DISP3: variants seen among roughly 807,000 people sequenced by gnomAD.
DISP3 encodes the protein protein dispatched homolog 3.
In DISP3, 101 loss-of-function variants were observed where a neutral mutation model predicts 135.3. The ratio of observed to expected loss-of-function variants is 0.75; its 90% CI spans 0.64 to 0.88. DISP3 has a LOEUF of 0.88. Among genes scored for constraint, DISP3 ranks in the 40% least tolerant of loss-of-function variants. DISP3 has a pLI of 0.00. For missense variants in DISP3, 1,713 were observed against 1,878.6 expected (o/e 0.91, Z 1.63); for synonymous variants, 856 against 817.0 (o/e 1.05, Z -0.81).
chr1:11,481,801 C>G (rs1640912034), intron 1 of DISP3: 1 of 152,186 alleles, frequency 6.6e-6, no homozygotes, highest in African/African-American at 2.4e-5. Context: ...ATTACCCTAC[C>G]TTTCCCCTTC....
rs1378596865 is a variant in DISP3 at position 11,491,893 on chromosome 1, C to G, written c.-3-9097C>G. Among the ~76,000 whole-genome samples the G allele has an allele frequency of 6.6e-6, 1 of 151,690 alleles. No homozygotes were observed. The highest frequency in any genetic ancestry group is 1.5e-5 in the Non-Finnish European group (1 of 67,944). ...ATCCCAGCACTTTGGGAGGCCGAGG[C>G]GGGCGGATCACGAGGTCAGGAGATC... On this transcript the variant is annotated intron_variant, in intron 1 of 20. Coordinates refer to ENST00000294484, the MANE Select transcript of DISP3 (RefSeq NM_020780.2). The surrounding 1 kb of genome is among the most constrained non-coding windows in gnomAD (Gnocchi z 4.3).
chr1:11,530,688 C>T (rs528469893), intron 15 of DISP3, among the ~76,000 whole-genome samples: 1 of 151,950 alleles, frequency 6.6e-6, no homozygotes, highest in Non-Finnish European at 1.5e-5. Flanking sequence ...AACAGAGGGT[C>T]CTGTGTGGGG....
chr1:11,479,909 G>T (rs1240462601), intron 1 of DISP3, among the ~76,000 whole-genome samples: 1 of 152,188 alleles, frequency 6.6e-6, no homozygotes, highest in African/African-American at 2.4e-5. Context: ...GCCGGGGAGG[G>T]CGCGTGGGGG....
At chr1:11,503,259 A>G (rs1007420734) in intron 3 of DISP3, among the ~76,000 whole-genome samples, 2 of 152,198 alleles carry the variant, frequency 1.3e-5, no homozygotes, top group African/African-American at 4.8e-5. Context: ...CTCAAGAGAG[A>G]TGGAACCAGT....
intron 1 of DISP3, among the ~76,000 whole-genome samples, chr1:11,494,538 G>T (rs12129875): frequency 1.3e-5 from 2 of 152,114 alleles, no homozygotes; most frequent in Non-Finnish European, 2.9e-5. Flanking sequence ...GTATCAGGAC[G>T]TAGGACAGTG....
chr1:11,511,421 G>A (rs1641852213), intron 3 of DISP3, among the ~76,000 whole-genome samples: 1 of 152,132 alleles, frequency 6.6e-6, no homozygotes, highest in Admixed American at 6.6e-5. Context: ...AAACAAAGGG[G>A]TTACAGGGCC....
In DISP3 at chr1:11,519,272, C is replaced by A; in HGVS notation, c.1890-83C>A. 1 of 1,463,320 alleles carries A rather than the reference C, an allele frequency of 6.8e-7. No homozygotes were observed. The highest frequency in any genetic ancestry group is 9.4e-7 in the Non-Finnish European group (1 of 1,065,794). The allele number at this position is 1,463,320 out of a possible 1,614,324, so 90.6% of individuals were successfully genotyped here. The stretch of plus-strand genomic sequence containing the variant: ...TCAGCAGCACTGTGATACCTGGGTT[C>A]ATCTGATCCTCAGGGCCCTGCCCCA... On this transcript the variant is annotated intron_variant, in intron 7 of 20. Transcript: ENST00000294484. The surrounding 1 kb of genome is among the most constrained non-coding windows in gnomAD (Gnocchi z 4.3).
intron 13 of DISP3, among the ~76,000 whole-genome samples, chr1:11,528,549 CAAGT>C (rs970103270): frequency 9.9e-5 from 15 of 152,174 alleles, no homozygotes; most frequent in African/African-American, 3.6e-4. Context: ...AGGCCACTAA[CAAGT>C]AAACAGCGAT....
rs1406336304 is a variant in DISP3, at chr1:11,529,672, T to C, written c.2915T>C (p.Val972Ala). Residue 972 changes from valine to alanine, a missense_variant, in exon 14 of 21, where the codon GTG (valine) becomes GCG (alanine). Transcript: ENST00000294484. This position sits in a 1 kb window ranked among gnomAD's most constrained non-coding sequence, Gnocchi z 4.7. The part of the protein sequence containing the change: ...PDGPTKGFFF[V>A]PSEKVPKARL... ...GGGCCTACCAAAGGCTTCTTCTTCG[T>C]GCCTAGTGAGAAAGGTACGGCAAGG... The C allele has an allele frequency of 6.2e-7, 1 of 1,606,526 alleles. No individual in the cohort carries two copies. Among genetic ancestry groups the C allele is most frequent in the Non-Finnish European group, 8.5e-7 (1 of 1,174,230 alleles).
rs572062087 is a variant in DISP3 at position 11,496,730 on chromosome 1, G to A, written c.-3-4260G>A. Among the ~76,000 whole-genome samples the A allele has an allele frequency of 1.8e-3, 274 of 152,382 alleles. 1 individual carries two copies. Among genetic ancestry groups the A allele is most frequent in the Non-Finnish European group, 2.9e-3 (200 of 68,036 alleles). On this transcript the variant is annotated intron_variant, in intron 1 of 20. Coordinates refer to ENST00000294484, the MANE Select transcript of DISP3 (RefSeq NM_020780.2). ...CCCTTACCAGCCCAGCCTCAGTTTG[G>A]TGCGAGGGACTCTCAGATGGCTCTT... is the stretch of plus-strand genomic sequence containing the variant.
chr1:11,503,727 A>C (rs1641620485), intron 3 of DISP3, among the ~76,000 whole-genome samples: 1 of 152,184 alleles, frequency 6.6e-6, no homozygotes, highest in South Asian at 2.1e-4. Context: ...AGTTCTCTCC[A>C]TATTCCTTAA....
Position 11,523,932 on chromosome 1 carries a change from TG to T in DISP3, c.2363-4del. ...TGTCCTGCTGTCCTTGACATGGCGCTGGGGGGCAGGTCTGTTCCAGGAGAAG... is the reference window on the plus strand; with the variant it reads ...TGTCCTGCTGTCCTTGACATGGCGCTGGGGGCAGGTCTGTTCCAGGAGAAG... On this transcript the variant is annotated splice_polypyrimidine_tract_variant and intron_variant, in intron 10 of 20. Transcript: ENST00000294484. 1 of 1,607,430 alleles carries T rather than the reference TG, an allele frequency of 6.2e-7. No individual in the cohort carries two copies. The highest frequency in any genetic ancestry group is 8.5e-7 in the Non-Finnish European group (1 of 1,175,226).
Position 11,517,593 on chromosome 1 carries a change from G to C in DISP3, c.1880G>C (p.Cys627Ser). 2.5e-6 allele frequency: 4 copies of C among 1,613,724 alleles called. No homozygotes were observed. Among genetic ancestry groups the C allele is most frequent in the Non-Finnish European group, 2.5e-6 (3 of 1,180,030 alleles). Residue 627 changes from cysteine (C) to serine (S), a missense_variant, in exon 7 of 21, where the codon TGC becomes TCC. Around this residue, in one of 2 missense-constraint regions of DISP3, gnomAD observed 1,142 missense variants for 1,384.6 expected, o/e 0.82. Transcript: ENST00000294484. ...TACCTGGCACCACTGGAGAGCTCCT[G>C]CCAGACCAGGTAAGTCGGGCAGGGC... ...SLYLAPLESS[C>S]QTSCHQNCSR... is the part of the protein sequence containing the mutation.
chr1:11,515,372 T>A lies in DISP3; in HGVS notation c.1457T>A (p.Phe486Tyr). 6.2e-7 allele frequency: 1 copy of A among 1,614,230 alleles called. No individual in the cohort carries two copies. Among genetic ancestry groups the A allele is most frequent in the Non-Finnish European group, 8.5e-7 (1 of 1,180,028 alleles). Reference protein sequence around the residue: ...LVYILTSCSVFLSFFGIASIG... With the variant: ...LVYILTSCSVYLSFFGIASIG... ...CTGTGTCTCTTACCCTGCCCAGTGTTCCTGTCCTTCTTTGGGATTGCCAGC... is the reference window on the plus strand; with the variant it reads ...CTGTGTCTCTTACCCTGCCCAGTGTACCTGTCCTTCTTTGGGATTGCCAGC... The change falls in exon 5 of 21, where the codon TTC (phenylalanine) becomes TAC (tyrosine). Residue 486 changes from phenylalanine to tyrosine, a missense_variant. Phe to Tyr is a conservative substitution (Grantham distance 22). Coordinates refer to ENST00000294484, the MANE Select transcript of DISP3 (RefSeq NM_020780.2).
intron 10 of DISP3, among the ~76,000 whole-genome samples, chr1:11,521,798 T>C (rs12088927): frequency 6.6e-6 from 1 of 152,126 alleles, no homozygotes; most frequent in African/African-American, 2.4e-5. Flanking sequence ...AGGAACTAAG[T>C]CTGGCCCAGT....
intron 3 of DISP3, among the ~76,000 whole-genome samples, chr1:11,511,274 A>G (rs192584080): frequency 7.9e-5 from 12 of 152,352 alleles, no homozygotes; most frequent in Admixed American, 7.2e-4. Flanking sequence ...TCCACAGTCC[A>G]AAGTCTCATC....
At chr1:11,535,265 C>A in intron 19 of DISP3, 141 bp downstream of exon 19, 1 of 1,028,470 alleles carries the variant, frequency 9.7e-7, no homozygotes, top group Non-Finnish European at 1.4e-6. Context: ...GTCTCTCCTG[C>A]ATGTCTGTGC....
chr1:11,532,364 G>A (rs777838260), intron 17 of DISP3, among the ~76,000 whole-genome samples: 13 of 152,314 alleles, frequency 8.5e-5, no homozygotes, highest in Admixed American at 2.0e-4. Flanking sequence ...CAAGTTACTC[G>A]TCCCCTCTGG....
chr1:11,532,538 C>A (rs114555229), intron 17 of DISP3, among the ~76,000 whole-genome samples: 2,363 of 152,308 alleles, frequency 0.016, 56 homozygotes, highest in African/African-American at 0.053. Flanking sequence ...CATTGCACAA[C>A]CAACAAAACC....
Sources: allele counts gnomAD v4.1 joint callset (sites outside exome capture counted in the v4.1 genomes callset), GRCh38; gene constraint gnomAD v4.1.1; regional missense constraint gnomAD v4.1.1; non-coding constraint Gnocchi (gnomAD v3.1); transcripts MANE v1.5; gene names NCBI Gene and HGNC (gene_info 2026-07-23, HGNC 2026-07-21).